Variants in ENOX1 observed in about 807,000 individuals in gnomAD.
The protein encoded by ENOX1 is candidate growth-related and time keeping constitutive hydroquinone (NADH) oxidase.
ENOX1 carries 42 observed loss-of-function variants against 82.5 expected under a neutral mutation model. The ratio of observed to expected loss-of-function variants is 0.51; its 90% CI spans 0.40 to 0.66. ENOX1 has a LOEUF of 0.66. Ranked by LOEUF, ENOX1 falls within the 30% of genes least tolerant of loss-of-function variation. The pLI is 0.00. For synonymous variants in ENOX1, 271 were observed against 282.2 expected, an observed-to-expected ratio of 0.96 and a Z score of 0.40; for missense variants, 608 against 811.6, an observed-to-expected ratio of 0.75 and a Z score of 3.05.
chr13:43,367,922 G>A (rs1000831799), intron 5 of ENOX1, among the ~76,000 whole-genome samples: 2 of 152,186 alleles, frequency 1.3e-5, no homozygotes, highest in Admixed American at 6.5e-5. Context: ...TAGGAGAAAT[G>A]TTCAAAACCA....
chr13:43,759,462 TCG>T (rs764220544), intron 1 of ENOX1, among the ~76,000 whole-genome samples: 1 of 152,152 alleles, frequency 6.6e-6, no homozygotes, highest in Non-Finnish European at 1.5e-5. Context: ...TCATAGAACC[TCG>T]GAGTTAAATT....
intron 3 of ENOX1, among the ~76,000 whole-genome samples, chr13:43,480,216 G>A (rs1296552168): frequency 6.6e-6 from 1 of 152,138 alleles, no homozygotes; most frequent in Non-Finnish European, 1.5e-5. Flanking sequence ...TTCAATTCTA[G>A]GCATGAGCCA....
At chr13:43,414,157 C>A (rs1434568736) in intron 3 of ENOX1, among the ~76,000 whole-genome samples, 1 of 152,016 alleles carries the variant, frequency 6.6e-6, no homozygotes, top group Non-Finnish European at 1.5e-5. Flanking sequence ...ACTGCACTGT[C>A]AAAAAGAACT....
chr13:43,540,484 A>C (rs2078658724), intron 2 of ENOX1, among the ~76,000 whole-genome samples: 1 of 152,202 alleles, frequency 6.6e-6, no homozygotes, highest in East Asian at 1.9e-4. Flanking sequence ...GCATGATAAG[A>C]CTCCCAAGAT....
At chr13:43,608,051 C>T (rs1010991559) in intron 2 of ENOX1, among the ~76,000 whole-genome samples, 3 of 152,184 alleles carry the variant, frequency 2.0e-5, no homozygotes, top group African/African-American at 7.2e-5. Flanking sequence ...CATCATGTGA[C>T]ACCACTTTAC....
At chr13:43,709,062 T>C (rs572531437) in intron 1 of ENOX1, among the ~76,000 whole-genome samples, 4 of 152,284 alleles carry the variant, frequency 2.6e-5, no homozygotes, top group Middle Eastern at 3.4e-3. Context: ...AAATGATGTA[T>C]ATACAAAATA....
intron 3 of ENOX1, among the ~76,000 whole-genome samples, chr13:43,463,301 C>T (rs1479131280): frequency 6.6e-6 from 1 of 152,156 alleles, no homozygotes; most frequent in Non-Finnish European, 1.5e-5. Context: ...AGTTACTAGG[C>T]ATGACAGCCA....
chr13:43,720,760 T>C (rs1339750507), intron 1 of ENOX1, among the ~76,000 whole-genome samples: 1 of 152,208 alleles, frequency 6.6e-6, no homozygotes, highest in Non-Finnish European at 1.5e-5. Context: ...GCTTTTTTGA[T>C]GCTCCATGAA....
chr13:43,355,848 G>A, intron 8 of ENOX1, 71 bp downstream of exon 8: 1 of 1,442,216 alleles, frequency 6.9e-7, no homozygotes, highest in Non-Finnish European at 9.6e-7. Flanking sequence ...GGTGGACGCA[G>A]GAGAAACGCA....
intron 5 of ENOX1, among the ~76,000 whole-genome samples, chr13:43,405,266 G>T (rs2053726469): frequency 6.6e-6 from 1 of 152,188 alleles, no homozygotes; most frequent in Admixed American, 6.5e-5. Flanking sequence ...GGGATCTGGA[G>T]ACCTGGCTGC....
intron 2 of ENOX1, among the ~76,000 whole-genome samples, chr13:43,490,903 A>G (rs1234238181): frequency 6.6e-6 from 1 of 152,204 alleles, no homozygotes; most frequent in African/African-American, 2.4e-5. Context: ...TTTCACTGAA[A>G]ACCTGTTAAC....
At chr13:43,351,900 G>T (rs377767106) in intron 8 of ENOX1, among the ~76,000 whole-genome samples, 1 of 151,924 alleles carries the variant, frequency 6.6e-6, no homozygotes, top group Non-Finnish European at 1.5e-5. Flanking sequence ...TAAATAAAAC[G>T]GCCTATCTTG....
At chr13:43,624,717 T>C (rs2082891380) in intron 2 of ENOX1, among the ~76,000 whole-genome samples, 1 of 152,124 alleles carries the variant, frequency 6.6e-6, no homozygotes, top group Admixed American at 6.5e-5. Context: ...TGTTCATATT[T>C]GTGTGGGTCT....
intron 2 of ENOX1, among the ~76,000 whole-genome samples, chr13:43,620,490 T>C (rs1594134182): frequency 6.6e-6 from 1 of 152,304 alleles, no homozygotes; most frequent in East Asian, 1.9e-4. Context: ...TCCATCTTGA[T>C]TTTGTTTCTG....
At chr13:43,773,733 A>G (rs1431650385) in intron 1 of ENOX1, among the ~76,000 whole-genome samples, 1 of 152,200 alleles carries the variant, frequency 6.6e-6, no homozygotes. Flanking sequence ...ATAAGATCCA[A>G]TTACATAATT....
chr13:43,586,863 G>C (rs1250053160), intron 2 of ENOX1, among the ~76,000 whole-genome samples: 1 of 151,198 alleles, frequency 6.6e-6, no homozygotes, highest in African/African-American at 2.4e-5. Context: ...AGGAGATCGA[G>C]ACCCTCCTGG....
At chr13:43,610,515 T>A (rs2082154863) in intron 2 of ENOX1, among the ~76,000 whole-genome samples, 1 of 152,250 alleles carries the variant, frequency 6.6e-6, no homozygotes, top group Admixed American at 6.5e-5. Context: ...AAGAAAAGTA[T>A]GTCTCTCTTT....
intron 3 of ENOX1, among the ~76,000 whole-genome samples, chr13:43,464,009 G>A (rs967081864): frequency 5.3e-5 from 8 of 152,166 alleles, no homozygotes; most frequent in Non-Finnish European, 8.8e-5. Context: ...CAAGAGGCAT[G>A]CTTACAGGCA....
At chr13:43,343,261 G>C (rs1178700764) in intron 9 of ENOX1, among the ~76,000 whole-genome samples, 1 of 152,052 alleles carries the variant, frequency 6.6e-6, no homozygotes, top group Non-Finnish European at 1.5e-5. Context: ...TTTAAAAACT[G>C]CTGTAAATAT....
Sources: gnomAD v4.1 joint callset for allele counts (sites outside exome capture counted in the v4.1 genomes callset) on GRCh38, gnomAD v4.1.1 for gene constraint, MANE v1.5 for transcripts, NCBI Gene and HGNC (gene_info 2026-07-23, HGNC 2026-07-21) for gene names.